The following GPNMB variants were observed in gnomAD, a reference collection of about 807,000 sequenced individuals.
GPNMB encodes the protein glycoprotein nmb.
GPNMB carries 71 observed loss-of-function variants against 57.3 expected under a neutral mutation model. The observed-to-expected ratio is 1.24, with a 90% CI of 1.02 to 1.51. The LOEUF (loss-of-function observed/expected upper bound fraction) is 1.51, where lower values mean the gene tolerates loss of function less well. Among genes scored for constraint, GPNMB ranks in the 40% most tolerant of loss-of-function variants. The pLI is 0.00. For missense variants in GPNMB, 677 were observed against 691.9 expected, an observed-to-expected ratio of 0.98 and a Z score of 0.24; for synonymous variants, 253 against 263.2, an observed-to-expected ratio of 0.96 and a Z score of 0.38.
intron 8 of GPNMB, among the ~76,000 whole-genome samples, chr7:23,269,715 G>A (rs1408888480): frequency 6.6e-6 from 1 of 152,172 alleles, no homozygotes; most frequent in Non-Finnish European, 1.5e-5. Context: ...TCCCCTGGGG[G>A]AGATCTTTTT....
chr7:23,246,781 A>G lies in GPNMB; in HGVS notation c.-77A>G, dbSNP rs1200664133. 2 of 1,035,872 alleles carry G rather than the reference A, an allele frequency of 1.9e-6. No individual in the cohort carries two copies. Among genetic ancestry groups the G allele is most frequent in the Non-Finnish European group, 3.1e-6 (2 of 653,642 alleles). 64.2% of individuals were successfully genotyped at this position (1,035,872 alleles called of 1,614,324 possible). On this transcript the variant is annotated 5_prime_UTR_variant, in exon 1 of 11. Coordinates refer to ENST00000258733, the MANE Select transcript of GPNMB (RefSeq NM_002510.3). ...GGGAGGCACCACAGATGCCAGAAGA[A>G]CACTGTTGCTCTTGGTGGACGGGCC...
At chr7:23,249,273 T>C (rs1782608361) in intron 1 of GPNMB, among the ~76,000 whole-genome samples, 1 of 152,240 alleles carries the variant, frequency 6.6e-6, no homozygotes, top group Non-Finnish European at 1.5e-5. Context: ...ATTCACATAC[T>C]GTTGTAAGAA....
intron 10 of GPNMB, 164 bp downstream of exon 10, chr7:23,273,778 G>C: frequency 1.7e-6 from 1 of 592,874 alleles, no homozygotes; most frequent in African/African-American, 1.9e-5. Context: ...TGTTAATCTT[G>C]TTGTGGTTTG....
At position 23,260,051 on chromosome 7, in the gene GPNMB, C is replaced by T; in HGVS notation, c.613C>T (p.Pro205Ser). ...GAACACAGCCAATGTGACACTTGGG[C>T]CTCAACTCATGGAAGTGACTGTCTA... ...SVNTANVTLGPQLMEVTVYRR... is the reference protein window; with the variant it reads ...SVNTANVTLGSQLMEVTVYRR... The change falls in exon 5 of 11, where the codon CCT (proline) becomes TCT (serine). Residue 205 changes from proline to serine, a missense_variant. Pro to Ser is a moderately conservative substitution (Grantham distance 74). Coordinates refer to ENST00000258733, the MANE Select transcript of GPNMB (RefSeq NM_002510.3). The T allele has an allele frequency of 6.2e-7, 1 of 1,613,890 alleles. No homozygotes were observed. The highest frequency in any genetic ancestry group is 8.5e-7 in the Non-Finnish European group (1 of 1,179,778).
intron 1 of GPNMB, among the ~76,000 whole-genome samples, chr7:23,250,136 A>C (rs1396861906): frequency 6.6e-6 from 1 of 152,182 alleles, no homozygotes; most frequent in Non-Finnish European, 1.5e-5. Flanking sequence ...GTTTTCTTAT[A>C]GTGAGTTTTG....
chr7:23,246,906 T>C lies in GPNMB; in HGVS notation c.49T>C (p.Leu17=), dbSNP rs35519567. 18,027 of 1,613,584 alleles carry C rather than the reference T, an allele frequency of 0.011. 654 individuals carry two copies. Among genetic ancestry groups the C allele is most frequent in the East Asian group, 0.1 (4,541 of 44,876 alleles). The stretch of plus-strand genomic sequence containing the variant: ...GGGATTTCTGCTCCTGGCTGCAAGA[T>C]TGCCACTTGATGCCGCCAAACGTGA... ...FLGFLLLAAR[L]PLDAAKRFHD... is the part of the protein sequence containing the mutation. The change falls in exon 1 of 11, where the codon TTG becomes CTG. Residue 17 remains leucine, a synonymous_variant. Coordinates refer to ENST00000258733, the MANE Select transcript of GPNMB (RefSeq NM_002510.3).
At chr7:23,254,436 G>A in intron 3 of GPNMB, 124 bp downstream of exon 3, 1 of 739,196 alleles carries the variant, frequency 1.4e-6, no homozygotes, top group Non-Finnish European at 2.2e-6. Context: ...TGAGCTGGAT[G>A]ACAGAGACAG....
At chr7:23,267,259 C>T (rs983015150) in intron 7 of GPNMB, among the ~76,000 whole-genome samples, 1 of 152,184 alleles carries the variant, frequency 6.6e-6, no homozygotes, top group Non-Finnish European at 1.5e-5. Context: ...TTCTGATGCA[C>T]ACAAAGGCTC....
intron 1 of GPNMB, 39 bp downstream of exon 1, chr7:23,246,966 G>T (rs781443383): frequency 5.5e-6 from 8 of 1,449,610 alleles, no homozygotes; most frequent in Non-Finnish European, 5.8e-6. Context: ...CCCATTCTCT[G>T]GCCATTGGCT....
chr7:23,247,121 G>T (rs1024116005), intron 1 of GPNMB, 194 bp downstream of exon 1: 2 of 592,522 alleles, frequency 3.4e-6, no homozygotes, highest in Admixed American at 2.9e-5. Context: ...TCCATTCTTT[G>T]CTTTCGGCTC....
chr7:23,273,022 T>C, intron 9 of GPNMB: 1 of 152,672 alleles, frequency 6.5e-6, no homozygotes, highest in Non-Finnish European at 1.5e-5. Flanking sequence ...TTTTAATTTT[T>C]TGTAGAGCTG....
intron 1 of GPNMB, among the ~76,000 whole-genome samples, chr7:23,247,570 C>T (rs1407902896): frequency 6.6e-6 from 1 of 152,240 alleles, no homozygotes; most frequent in Admixed American, 6.5e-5. Flanking sequence ...CCTATGCAGC[C>T]AGGGTCCAGA....
intron 10 of GPNMB, 178 bp from the exon 11 acceptor site, chr7:23,273,887 A>C (rs1783273287): frequency 1.7e-6 from 1 of 592,548 alleles, no homozygotes; most frequent in Non-Finnish European, 2.9e-6. Flanking sequence ...AAGCAGGCAC[A>C]TTTCTTGCAT....
chr7:23,268,433 T>C (rs1783122447), intron 8 of GPNMB, among the ~76,000 whole-genome samples: 1 of 152,200 alleles, frequency 6.6e-6, no homozygotes, highest in Admixed American at 6.5e-5. Context: ...GGTAGTTGTC[T>C]ATGCTAACAT....
At chr7:23,273,294 TCC>T in intron 9 of GPNMB, 1 of 487,078 alleles carries the variant, frequency 2.1e-6, no homozygotes, top group Non-Finnish European at 3.6e-6. Context: ...GTGACATCTC[TCC>T]CCCGCGCCCT....
intron 6 of GPNMB, among the ~76,000 whole-genome samples, chr7:23,264,096 G>GAAA (rs35143635): frequency 9.4e-4 from 103 of 109,678 alleles, no homozygotes; most frequent in African/African-American, 2.9e-3. Flanking sequence ...GAACAAATCT[G>GAAA]AAAAAAAAAA....
intron 9 of GPNMB, among the ~76,000 whole-genome samples, chr7:23,272,006 C>G (rs1273219724): frequency 6.6e-6 from 1 of 152,110 alleles, no homozygotes; most frequent in Non-Finnish European, 1.5e-5. Context: ...CTGCTTCCTG[C>G]CCAGGAAGGT....
chr7:23,258,889 C>G (rs902258792), intron 4 of GPNMB, among the ~76,000 whole-genome samples: 2 of 152,208 alleles, frequency 1.3e-5, no homozygotes, highest in Non-Finnish European at 2.9e-5. Flanking sequence ...TTGAAACAAC[C>G]CGGTCTCAAA....
intron 6 of GPNMB, among the ~76,000 whole-genome samples, chr7:23,262,078 T>C (rs1288840201): frequency 6.6e-6 from 1 of 151,696 alleles, no homozygotes; most frequent in South Asian, 2.1e-4. Flanking sequence ...TCATGACGTC[T>C]GGGGCTTCTT....
Sources: allele counts gnomAD v4.1 joint callset (sites outside exome capture counted in the v4.1 genomes callset), GRCh38; gene constraint gnomAD v4.1.1; transcripts MANE v1.5; gene names NCBI Gene and HGNC (gene_info 2026-07-23, HGNC 2026-07-21).